CADM2: variants seen among roughly 807,000 people sequenced by gnomAD.
CADM2 encodes cell adhesion molecule 2.
CADM2 carries 12 observed loss-of-function variants against 49.8 expected under a neutral mutation model. The observed-to-expected ratio is 0.24, with a 90% CI of 0.15 to 0.39. CADM2 has a LOEUF of 0.39. Ranked by LOEUF, CADM2 falls within the 10% of genes least tolerant of loss-of-function variation. The probability of loss-of-function intolerance (pLI) is 1.00; values close to 1 mark genes in which losing one functional copy is unlikely to be tolerated. For missense variants in CADM2, 378 were observed against 492.3 expected (o/e 0.77, Z 2.20); for synonymous variants, 214 against 175.4 (o/e 1.22, Z -1.74).
chr3:86,039,501 G>C (rs1049137298), intron 8 of CADM2, among the ~76,000 whole-genome samples: 2 of 152,132 alleles, frequency 1.3e-5, no homozygotes, highest in African/African-American at 4.8e-5. Context: ...ACAGCAGTCT[G>C]ACATCAAACT....
chr3:85,688,355 T>C (rs2066277238), intron 1 of CADM2, among the ~76,000 whole-genome samples: 1 of 152,180 alleles, frequency 6.6e-6, no homozygotes, highest in Non-Finnish European at 1.5e-5. Context: ...ATTGAATAGA[T>C]GCCTCACATC....
At chr3:85,754,964 TAGTC>T (rs1472878195) in intron 2 of CADM2, among the ~76,000 whole-genome samples, 1 of 152,202 alleles carries the variant, frequency 6.6e-6, no homozygotes, top group Non-Finnish European at 1.5e-5. Flanking sequence ...AACAGTAAAT[TAGTC>T]AGATTCTTTT....
intron 1 of CADM2, among the ~76,000 whole-genome samples, chr3:85,554,485 G>T (rs1180475036): frequency 6.6e-6 from 1 of 152,106 alleles, no homozygotes; most frequent in African/African-American, 2.4e-5. Flanking sequence ...AAGAGACCAA[G>T]AATCAATTAT....
At chr3:85,930,458 A>G (rs992515591) in intron 6 of CADM2, among the ~76,000 whole-genome samples, 1 of 152,134 alleles carries the variant, frequency 6.6e-6, no homozygotes, top group Non-Finnish European at 1.5e-5. Flanking sequence ...AAACAGTCCA[A>G]TTACCTTCTG....
At chr3:86,062,222 T>C (rs1414108950) in intron 8 of CADM2, among the ~76,000 whole-genome samples, 3 of 152,176 alleles carry the variant, frequency 2.0e-5, no homozygotes, top group African/African-American at 7.2e-5. Flanking sequence ...ACTGTCTGTT[T>C]ATGAAAACTT....
rs1360934097 is a variant in CADM2 at position 86,071,071 on chromosome 3, T to G, written c.*4288T>G. 1 of 151,948 alleles carries G rather than the reference T, an allele frequency of 6.6e-6. No individual in the cohort carries two copies. The highest frequency in any genetic ancestry group is 6.6e-5 in the Admixed American group (1 of 15,246). The allele number at this position is 151,948 out of a possible 1,614,324, so 9.4% of individuals were successfully genotyped here. ...CAAGGACAAGTTAAGTTTTTCTTATTAATGTGACACAGTAACATTTTTATT... is the reference window on the plus strand; with the variant it reads ...CAAGGACAAGTTAAGTTTTTCTTATGAATGTGACACAGTAACATTTTTATT... On this transcript the variant is annotated 3_prime_UTR_variant, in exon 10 of 10. Transcript: ENST00000383699.
chr3:85,113,806 T>C (rs1356568670), intron 1 of CADM2, among the ~76,000 whole-genome samples: 1 of 151,870 alleles, frequency 6.6e-6, no homozygotes, highest in Admixed American at 6.6e-5. Flanking sequence ...GAAGTACACT[T>C]AGAATTTTAT....
intron 1 of CADM2, among the ~76,000 whole-genome samples, chr3:85,541,759 A>C (rs1322720779): frequency 3.6e-5 from 1 of 27,974 alleles, no homozygotes; most frequent in Non-Finnish European, 1.3e-4. Context: ...TATATTTTAT[A>C]TATATATTTT....
chr3:85,695,203 C>A (rs1047170416), intron 1 of CADM2, among the ~76,000 whole-genome samples: 3 of 152,030 alleles, frequency 2.0e-5, no homozygotes, highest in African/African-American at 4.8e-5. Flanking sequence ...ATTTCAATAT[C>A]TTTAGGGATA....
chr3:85,896,936 C>G (rs1365206113), intron 5 of CADM2, among the ~76,000 whole-genome samples: 1 of 152,096 alleles, frequency 6.6e-6, no homozygotes, highest in African/African-American at 2.4e-5. Flanking sequence ...AGTAGACTTA[C>G]TAAGTCAGAA....
intron 2 of CADM2, among the ~76,000 whole-genome samples, chr3:85,783,011 A>T (rs1022639043): frequency 6.6e-6 from 1 of 152,198 alleles, no homozygotes; most frequent in African/African-American, 2.4e-5. Context: ...TGTCTTAGAA[A>T]TTTTTATCAA....
chr3:84,986,099 G>T (rs1227593019), intron 1 of CADM2, among the ~76,000 whole-genome samples: 2 of 152,128 alleles, frequency 1.3e-5, no homozygotes, highest in African/African-American at 2.4e-5. Context: ...TTAACATAGA[G>T]AATTAGGAAA....
intron 1 of CADM2, among the ~76,000 whole-genome samples, chr3:85,296,408 T>C (rs890886421): frequency 7.3e-5 from 11 of 150,612 alleles, no homozygotes; most frequent in African/African-American, 2.7e-4. Flanking sequence ...GTTCATATCA[T>C]AACTAAAGTA....
intron 5 of CADM2, 116 bp downstream of exon 5, chr3:85,886,443 C>A: frequency 1.4e-6 from 1 of 697,600 alleles, no homozygotes; most frequent in Non-Finnish European, 2.4e-6. Flanking sequence ...GATTATGCAT[C>A]ATTTGAACCA....
chr3:85,044,367 A>G (rs943882466), intron 1 of CADM2, among the ~76,000 whole-genome samples: 2 of 152,140 alleles, frequency 1.3e-5, no homozygotes, highest in African/African-American at 4.8e-5. Flanking sequence ...GCAATCCTCA[A>G]AGCAGTTTGG....
At chr3:85,896,624 A>G (rs771232190) in intron 5 of CADM2, among the ~76,000 whole-genome samples, 11 of 152,146 alleles carry the variant, frequency 7.2e-5, no homozygotes, top group Admixed American at 1.3e-4. Context: ...TTCTATAAGC[A>G]TTATTTACTT....
At chr3:85,887,324 C>T (rs1206531690) in intron 5 of CADM2, among the ~76,000 whole-genome samples, 1 of 151,996 alleles carries the variant, frequency 6.6e-6, no homozygotes, top group African/African-American at 2.4e-5. Flanking sequence ...CTAAAGTGAC[C>T]CTCCTGCCTC....
At chr3:85,245,494 G>C (rs565590873) in intron 1 of CADM2, among the ~76,000 whole-genome samples, 2 of 150,308 alleles carry the variant, frequency 1.3e-5, no homozygotes, top group African/African-American at 2.5e-5. Context: ...CCTGGCGACA[G>C]ATTGAGGCTC....
Position 85,783,102 on chromosome 3 carries a change from A to G in CADM2, c.89-18945A>G, listed in dbSNP as rs143579417. On this transcript the variant is annotated intron_variant, in intron 2 of 9. Coordinates refer to ENST00000383699, the MANE Select transcript of CADM2 (RefSeq NM_001167675.2). The stretch of plus-strand genomic sequence containing the variant: ...CAGTTGATGATTAGGTAGTTTTTCT[A>G]TTCATATAAGAAGATAAGTAAGAAA... Among the ~76,000 whole-genome samples the G allele has an allele frequency of 2.0e-4, 30 of 152,288 alleles. No individual in the cohort carries two copies. In the East Asian group the frequency reaches 4.8e-3, roughly 25 times the overall value.
Sources: gnomAD v4.1 joint callset for allele counts (sites outside exome capture counted in the v4.1 genomes callset) on GRCh38, gnomAD v4.1.1 for gene constraint, MANE v1.5 for transcripts, NCBI Gene and HGNC (gene_info 2026-07-23, HGNC 2026-07-21) for gene names.